The following ADCY5 variants were observed in gnomAD, a reference collection of about 807,000 sequenced individuals.
ADCY5 encodes adenylate cyclase type 5.
A neutral mutation model predicts 119.7 loss-of-function variants in ADCY5; 30 were observed. That is an observed-to-expected ratio of 0.25 (90% CI 0.19 to 0.34). The LOEUF (loss-of-function observed/expected upper bound fraction) is 0.34. Ranked by LOEUF, ADCY5 falls within the 10% of genes least tolerant of loss-of-function variation. The pLI is 1.00. For synonymous variants in ADCY5, 753 were observed against 762.2 expected (o/e 0.99, Z 0.20); for missense variants, 1,324 against 1,775.2 (o/e 0.75, Z 4.57).
chr3:123,444,222 A>C (rs1945773003), intron 1 of ADCY5, among the ~76,000 whole-genome samples: 1 of 152,152 alleles, frequency 6.6e-6, no homozygotes, highest in Non-Finnish European at 1.5e-5. Context: ...CTAACAGGCA[A>C]AGGAGGAGAA....
chr3:123,367,838 G>C, intron 1 of ADCY5: 1 of 1,519,600 alleles, frequency 6.6e-7, no homozygotes, highest in East Asian at 2.5e-5. Context: ...TTTTAGGTCA[G>C]CAGAATCCAG....
At position 123,286,879 on chromosome 3, in the gene ADCY5, CATG is replaced by C; in HGVS notation, c.3533-73_3533-71del. ...GACCTTGCCACCATCTGTCTCCCCA[CATG>C]CTGCAGGTCCTTCTGACTCCCAACC... On this transcript the variant is annotated intron_variant, in intron 19 of 20. Coordinates refer to ENST00000462833, the MANE Select transcript of ADCY5 (RefSeq NM_183357.3). This position sits in a 1 kb window ranked among gnomAD's most constrained non-coding sequence, Gnocchi z 4.2. 1 of 1,519,696 alleles carries C rather than the reference CATG, an allele frequency of 6.6e-7. No homozygotes were observed. The highest frequency in any genetic ancestry group is 8.8e-7 in the Non-Finnish European group (1 of 1,137,854). The allele number at this position is 1,519,696 out of a possible 1,614,324, so 94.1% of individuals were successfully genotyped here. A position where few individuals can be genotyped will look rare whatever the true frequency, so the allele number is the denominator to read the frequency against.
chr3:123,358,835 T>G (rs1186728798), intron 1 of ADCY5, among the ~76,000 whole-genome samples: 1 of 152,212 alleles, frequency 6.6e-6, no homozygotes, highest in Non-Finnish European at 1.5e-5. Context: ...CAGGTTTGAT[T>G]TGAGCCAAGA....
chr3:123,378,430 T>C (rs1943919022), intron 1 of ADCY5, among the ~76,000 whole-genome samples: 1 of 151,552 alleles, frequency 6.6e-6, no homozygotes, highest in Non-Finnish European at 1.5e-5. Flanking sequence ...GGAAGCCAAG[T>C]TGCAGAGAAG....
In ADCY5 at chr3:123,389,949, T is replaced by C. The variant is rs112894999; in HGVS notation, c.1135-37368A>G. ...AATAGCCCTTAGCCTTCCTCAAGAG[T>C]GGAGAGAGGAGAGGTACAATGAGGG... is the stretch of plus-strand genomic sequence containing the variant. On this transcript the variant is annotated intron_variant, in intron 1 of 20. Transcript: ENST00000462833. 5.8e-4 allele frequency among the ~76,000 whole-genome samples: 87 copies of C among 151,086 alleles called. 1 individual carries two copies. The highest frequency in any genetic ancestry group is 2.0e-3 in the African/African-American group (83 of 41,090).
At chr3:123,316,898 G>GA (rs1353942382) in intron 11 of ADCY5, among the ~76,000 whole-genome samples, 2 of 152,142 alleles carry the variant, frequency 1.3e-5, no homozygotes, top group East Asian at 1.9e-4. Context: ...AAAAATAGAT[G>GA]AAAAAAACAC....
rs1383593355 is a variant in ADCY5 at position 123,303,125 on chromosome 3, G to A, written c.2654C>T (p.Ala885Val). ...QVNACHVAES[A>V]VNYSLGDEQG... is the part of the protein sequence containing the mutation. ...CTCATCGCCCAGGCTGTAGTTGACGGCCGACTCCGCCACGTGACACGCGTT... is the reference window on the plus strand; with the variant it reads ...CTCATCGCCCAGGCTGTAGTTGACGACCGACTCCGCCACGTGACACGCGTT... Residue 885 changes from alanine (A) to valine (V), a missense_variant, in exon 14 of 21, where the codon GCC becomes GTC. By Grantham distance (64) the Ala-to-Val change is moderately conservative. Around this residue, in one of 6 missense-constraint regions of ADCY5, gnomAD observed 424 missense variants for 546.8 expected, o/e 0.78. Coordinates refer to ENST00000462833, the MANE Select transcript of ADCY5 (RefSeq NM_183357.3). The A allele has an allele frequency of 1.9e-6, 3 of 1,613,856 alleles. No individual in the cohort carries two copies. The highest frequency in any genetic ancestry group is 2.5e-6 in the Non-Finnish European group (3 of 1,180,030).
Position 123,448,331 on chromosome 3 carries a change from C to A in ADCY5, c.215G>T (p.Arg72Leu), listed in dbSNP as rs771931187. 3.3e-6 allele frequency: 5 copies of A among 1,533,542 alleles called. No homozygotes were observed. Among genetic ancestry groups the A allele is most frequent in the Admixed American group, 1.9e-5 (1 of 52,162 alleles). 95.0% of individuals were successfully genotyped at this position (1,533,542 alleles called of 1,614,324 possible). A position where few individuals can be genotyped will look rare whatever the true frequency, so the allele number is the denominator to read the frequency against. Residue 72 changes from arginine to leucine, a missense_variant, in exon 1 of 21, where the codon CGC (arginine) becomes CTC (leucine). Transcript: ENST00000462833. ...TPQQQQRLAS[R>L]WRSDDDDDPP... is the part of the protein sequence containing the mutation. ...ATCGTCGTCGTCGTCGCTGCGCCAG[C>A]GGCTGGCCAGGCGCTGCTGCTGCTG...
At chr3:123,401,374 T>C (rs1024740277) in intron 1 of ADCY5, among the ~76,000 whole-genome samples, 4 of 152,142 alleles carry the variant, frequency 2.6e-5, no homozygotes, top group Admixed American at 2.6e-4. Flanking sequence ...CCCATCCAGA[T>C]GGGGAATGGC....
At chr3:123,293,333 G>A (rs943471970) in intron 17 of ADCY5, among the ~76,000 whole-genome samples, 2 of 152,212 alleles carry the variant, frequency 1.3e-5, no homozygotes, top group African/African-American at 2.4e-5. Flanking sequence ...GCCTGGGGGC[G>A]GGGCAGAGAC....
In ADCY5 at chr3:123,300,293, G is replaced by A; in HGVS notation, c.2727C>T (p.Tyr909=). ...GGCTGAGCAGCACGCTGTAGGTGAA[G>A]TACTGCGGGCAGAGGGCAGCAGCAT... is the stretch of plus-strand genomic sequence containing the variant. ...SPWPNCNFPE[Y]FTYSVLLSLL... Residue 909 remains tyrosine (Y), a splice_region_variant and synonymous_variant, in exon 15 of 21, where the codon TAC becomes TAT. Transcript: ENST00000462833. The A allele has an allele frequency of 6.2e-7, 1 of 1,613,176 alleles. No homozygotes were observed. Among genetic ancestry groups the A allele is most frequent in the South Asian group, 1.1e-5 (1 of 91,058 alleles).
intron 1 of ADCY5, among the ~76,000 whole-genome samples, chr3:123,378,520 A>G (rs1943921101): frequency 6.6e-6 from 1 of 152,196 alleles, no homozygotes; most frequent in Admixed American, 6.5e-5. Flanking sequence ...AGAGGGACAG[A>G]CGGAGGGAGG....
Position 123,380,081 on chromosome 3 carries a change from C to T in ADCY5, c.1135-27500G>A, listed in dbSNP as rs540284290. ...ACGGATGAGATTCTCCTATTTAGAG[C>T]CACTTCCCTAATTAGAAGTAATGAG... On this transcript the variant is annotated intron_variant, in intron 1 of 20. Transcript: ENST00000462833. Among the ~76,000 whole-genome samples, 6 of 152,288 alleles carry T rather than the reference C, an allele frequency of 3.9e-5. No individual in the cohort carries two copies. In the South Asian group the frequency reaches 6.2e-4, roughly 16 times the overall value.
chr3:123,345,160 G>GC (rs1307947702), intron 3 of ADCY5, among the ~76,000 whole-genome samples: 2 of 152,200 alleles, frequency 1.3e-5, no homozygotes, highest in African/African-American at 4.8e-5. Context: ...GCCTGAGTCA[G>GC]CCCCTCTGAC....
Position 123,391,142 on chromosome 3 carries a change from G to T in ADCY5, c.1135-38561C>A, listed in dbSNP as rs558674739. On this transcript the variant is annotated intron_variant, in intron 1 of 20. Transcript: ENST00000462833. ...ACCAGGGGTTCCTGGAAGCTCTAAG[G>T]ATATACAGGGCATGCTGATACCTCT... is the stretch of plus-strand genomic sequence containing the variant. 2.2e-3 allele frequency among the ~76,000 whole-genome samples: 335 copies of T among 152,332 alleles called. 1 individual carries two copies. The highest frequency in any genetic ancestry group is 6.8e-3 in the African/African-American group (284 of 41,576).
At chr3:123,302,412 C>G (rs953900338) in intron 14 of ADCY5, among the ~76,000 whole-genome samples, 2 of 152,230 alleles carry the variant, frequency 1.3e-5, no homozygotes, top group African/African-American at 4.8e-5. Flanking sequence ...TGGCTGTACA[C>G]ATCGGTGAAC....
intron 1 of ADCY5, among the ~76,000 whole-genome samples, chr3:123,359,203 C>T (rs1040329545): frequency 3.3e-5 from 5 of 151,340 alleles, no homozygotes; most frequent in South Asian, 4.2e-4. Context: ...CAGAACTTCC[C>T]GGGGAGCCAG....
At chr3:123,416,642 T>C (rs1291794434) in intron 1 of ADCY5, among the ~76,000 whole-genome samples, 1 of 152,152 alleles carries the variant, frequency 6.6e-6, no homozygotes, top group African/African-American at 2.4e-5. Context: ...AACTGAATTA[T>C]GGCCCCCAAA....
At chr3:123,446,760 G>A (rs1010312838) in intron 1 of ADCY5, among the ~76,000 whole-genome samples, 8 of 152,096 alleles carry the variant, frequency 5.3e-5, no homozygotes, top group Admixed American at 1.3e-4. Flanking sequence ...TGCTCAGGCC[G>A]GAAGGGGAAT....
Sources: allele counts gnomAD v4.1 joint callset (sites outside exome capture counted in the v4.1 genomes callset), GRCh38; gene constraint gnomAD v4.1.1; regional missense constraint gnomAD v4.1.1; non-coding constraint Gnocchi (gnomAD v3.1); transcripts MANE v1.5; gene names NCBI Gene and HGNC (gene_info 2026-07-23, HGNC 2026-07-21).